C6orf89: variants seen among roughly 807,000 people sequenced by gnomAD.
C6orf89 encodes the protein chromosome 6 open reading frame 89.
C6orf89 carries 29 observed loss-of-function variants against 40.7 expected under a neutral mutation model. That is an observed-to-expected ratio of 0.71 (90% confidence interval 0.53 to 0.97). The LOEUF (loss-of-function observed/expected upper bound fraction) is 0.97, where lower values mean the gene tolerates loss of function less well. Ranked by LOEUF, C6orf89 falls within the 50% of genes least tolerant of loss-of-function variation. The probability of loss-of-function intolerance (pLI) is 0.00; values close to 1 mark genes in which losing one functional copy is unlikely to be tolerated. For missense variants in C6orf89, 392 were observed against 429.1 expected (o/e 0.91, Z 0.76); for synonymous variants, 165 against 152.2 (o/e 1.08, Z -0.62).
chr6:36,879,004 T>A (rs75684991), intron 1 of C6orf89: 8,900 of 152,404 alleles, frequency 0.058, 327 homozygotes, highest in Middle Eastern at 0.14. Context: ...TTTTCTTTTA[T>A]CAGATGGTGT....
chr6:36,917,133 G>A (rs537651678), intron 7 of C6orf89, among the ~76,000 whole-genome samples: 1 of 152,330 alleles, frequency 6.6e-6, no homozygotes, highest in Admixed American at 6.5e-5. Context: ...TAAGGAAACT[G>A]AGTCCCAGAG....
chr6:36,873,458 G>C (rs1774562170), intron 1 of C6orf89, among the ~76,000 whole-genome samples: 1 of 151,884 alleles, frequency 6.6e-6, no homozygotes, highest in Non-Finnish European at 1.5e-5. Flanking sequence ...CCATTTTTTT[G>C]TTAAAAAAAC....
chr6:36,874,758 G>A, intron 1 of C6orf89: 2 of 1,614,140 alleles, frequency 1.2e-6, no homozygotes, highest in African/African-American at 2.7e-5. Flanking sequence ...AGGAATCTGG[G>A]GGAATTGCCG....
upstream of C6orf89, among the ~76,000 whole-genome samples, chr6:36,880,952 A>C (rs143747930): frequency 3.9e-4 from 59 of 152,332 alleles, no homozygotes; most frequent in Middle Eastern, 3.4e-3. Context: ...ATGTTGTACA[A>C]TTTAAGGTGA....
At chr6:36,897,787 G>C (rs1761494933) in intron 2 of C6orf89, among the ~76,000 whole-genome samples, 1 of 152,320 alleles carries the variant, frequency 6.6e-6, no homozygotes, top group South Asian at 2.1e-4. Context: ...GTGTGCTGGC[G>C]TGCGCTGGGT....
At chr6:36,887,110 C>G (rs77420033) in intron 1 of C6orf89, among the ~76,000 whole-genome samples, 1,950 of 151,024 alleles carry the variant, frequency 0.013, 31 homozygotes, top group African/African-American at 0.035. Context: ...GCTACCTCTG[C>G]GTTTTTTTGT....
intron 8 of C6orf89, among the ~76,000 whole-genome samples, chr6:36,922,111 C>T (rs900583778): frequency 2.0e-5 from 3 of 151,996 alleles, no homozygotes; most frequent in African/African-American, 7.3e-5. Flanking sequence ...TCAAGGCGGG[C>T]AGATCACCTG....
chr6:36,880,753 G>C (rs534518404), intron 2 of C6orf89, among the ~76,000 whole-genome samples: 41 of 152,282 alleles, frequency 2.7e-4, no homozygotes, highest in African/African-American at 9.4e-4. Context: ...ATGCCCCCTA[G>C]CTATACAAAG....
chr6:36,914,289 G>A lies in C6orf89; in HGVS notation c.409G>A (p.Asp137Asn). 4 of 1,613,264 alleles carry A rather than the reference G, an allele frequency of 2.5e-6. No homozygotes were observed. Among genetic ancestry groups the A allele is most frequent in the Non-Finnish European group, 3.4e-6 (4 of 1,179,576 alleles). Residue 137 changes from aspartate (D) to asparagine (N), a missense_variant, in exon 5 of 9, where the codon GAC becomes AAC. Coordinates refer to ENST00000480824, the MANE Select transcript of C6orf89 (RefSeq NM_001286635.2). ...GDEDRPFPDF[D>N]PWWTNDCEQN... is the part of the protein sequence containing the mutation. Reference sequence around the variant, plus strand: ...CATATCCCTTCCTCTCTCAGACTTTGACCCCTGGTGGACAAACGACTGTGA... The same window carrying A: ...CATATCCCTTCCTCTCTCAGACTTTAACCCCTGGTGGACAAACGACTGTGA...
In C6orf89 at chr6:36,914,588, AT is replaced by A; in HGVS notation, c.596del (p.Leu199CysfsTer38). Reference sequence around the variant, plus strand: ...CCCCTGTTGGAGGAAGAGATTCAGCATTTTTTGTGCCAGTACCCTGAGGCGA... The same window carrying A: ...CCCCTGTTGGAGGAAGAGATTCAGCATTTTTGTGCCAGTACCCTGAGGCGA... ...GKPLLEEEIQHFLCQYPEATE... is the reference protein window; with the variant it reads ...GKPLLEEEIQXFLCQYPEATE... On this transcript the variant is annotated frameshift_variant, in exon 6 of 9. Transcript: ENST00000480824. LOFTEE classifies it high-confidence loss of function. The A allele has an allele frequency of 6.2e-7, 1 of 1,614,174 alleles. No homozygotes were observed. Among genetic ancestry groups the A allele is most frequent in the Non-Finnish European group, 8.5e-7 (1 of 1,180,014 alleles).
intron 1 of C6orf89, among the ~76,000 whole-genome samples, chr6:36,877,119 G>A (rs889264188): frequency 9.9e-5 from 15 of 152,112 alleles, no homozygotes; most frequent in African/African-American, 3.6e-4. Context: ...GTTGTATGTA[G>A]TGGCCATTTT....
Position 36,923,468 on chromosome 6 carries a change from T to C in C6orf89, c.*27T>C. 1.3e-6 allele frequency: 2 copies of C among 1,563,524 alleles called. No homozygotes were observed. The highest frequency in any genetic ancestry group is 1.8e-6 in the Non-Finnish European group (2 of 1,133,964). Reference sequence around the variant, plus strand: ...AAATAGAACTGTGCACAGGAACAGCTTCCAGAGCCGAAAACCAGGTTGAAA... The same window carrying C: ...AAATAGAACTGTGCACAGGAACAGCCTCCAGAGCCGAAAACCAGGTTGAAA... On this transcript the variant is annotated 3_prime_UTR_variant, in exon 9 of 9. Coordinates refer to ENST00000480824, the MANE Select transcript of C6orf89 (RefSeq NM_001286635.2).
intron 3 of C6orf89, among the ~76,000 whole-genome samples, chr6:36,901,046 T>C (rs924693685): frequency 7.9e-5 from 12 of 151,344 alleles, no homozygotes; most frequent in African/African-American, 2.7e-4. Context: ...GGAGTTTCAC[T>C]ATGTTGGTCA....
chr6:36,923,669 A>G lies in C6orf89; in HGVS notation c.*228A>G. On this transcript the variant is annotated 3_prime_UTR_variant, in exon 9 of 9. Transcript: ENST00000480824. ...AAGGATTCAGCCTGGCCACTTGGCT[A>G]GGACTCTGCCAGCACCCATCTGAGA... 1 of 549,980 alleles carries G rather than the reference A, an allele frequency of 1.8e-6. No individual in the cohort carries two copies. 34.1% of individuals were successfully genotyped at this position (549,980 alleles called of 1,614,324 possible).
chr6:36,873,449 C>T lies in C6orf89; in HGVS notation c.-628+1482C>T, dbSNP rs372574806. On this transcript the variant is annotated intron_variant, in intron 1 of 9. Transcript: ENST00000359359. ...TACATACAGTATGATCATATGATCCCATTTTTTTGTTAAAAAAACATGAGA... is the reference window on the plus strand; with the variant it reads ...TACATACAGTATGATCATATGATCCTATTTTTTTGTTAAAAAAACATGAGA... Among the ~76,000 whole-genome samples, 4 of 152,228 alleles carry T rather than the reference C, an allele frequency of 2.6e-5. No homozygotes were observed. In the East Asian group the frequency reaches 5.8e-4, roughly 22 times the overall value.
rs2280675 is a variant in C6orf89, at chr6:36,923,868, T to C, written c.*427T>C. 0.28 allele frequency: 72,871 copies of C among 263,524 alleles called. 11,825 individuals carry two copies. Among genetic ancestry groups the C allele is most frequent in the African/African-American group, 0.5 (22,601 of 45,246 alleles). 16.3% of individuals were successfully genotyped at this position (263,524 alleles called of 1,614,324 possible). A position where few individuals can be genotyped will look rare whatever the true frequency, so the allele number is the denominator to read the frequency against. On this transcript the variant is annotated 3_prime_UTR_variant, in exon 9 of 9. Transcript: ENST00000480824. The stretch of plus-strand genomic sequence containing the variant: ...TTTACCAGGTGGGCCTGCTTGTCCC[T>C]GTCTTGCCTGCCACATCACTCTACT...
In C6orf89 at chr6:36,915,738, A is replaced by G. The variant is rs117048539; in HGVS notation, c.696-707A>G. 6.8e-4 allele frequency among the ~76,000 whole-genome samples: 104 copies of G among 152,006 alleles called. 3 individuals carry two copies. In the East Asian group the frequency reaches 0.018, roughly 26 times the overall value. ...AAAAAGGTTGGGGGAGGGGGAAAGA[A>G]AGAAAGAAAAATGGGAAACAGAGAG... On this transcript the variant is annotated intron_variant, in intron 6 of 8. Coordinates refer to ENST00000480824, the MANE Select transcript of C6orf89 (RefSeq NM_001286635.2).
chr6:36,919,802 A>G, intron 8 of C6orf89, 101 bp downstream of exon 8: 1 of 1,246,344 alleles, frequency 8.0e-7, no homozygotes, highest in South Asian at 1.8e-5. Flanking sequence ...AGTTTTATTT[A>G]GTAGAATCAA....
rs1287439469 is a variant in C6orf89 at position 36,926,556 on chromosome 6, AAAAAG to A, written c.*3117_*3121del. 2 of 125,842 alleles carry A rather than the reference AAAAAG, an allele frequency of 1.6e-5. No homozygotes were observed. Among genetic ancestry groups the A allele is most frequent in the Admixed American group, 7.5e-5 (1 of 13,354 alleles). The allele number at this position is 125,842 out of a possible 1,614,324, so 7.8% of individuals were successfully genotyped here. On this transcript the variant is annotated 3_prime_UTR_variant, in exon 9 of 9. Transcript: ENST00000480824. ...AAAGGAAAGGAAAGAAAAGAAAAAAAAAAAGAGAGAGAGAAAAGAAGAGGGGAGGG... is the reference window on the plus strand; with the variant it reads ...AAAGGAAAGGAAAGAAAAGAAAAAAAAGAGAGAGAAAAGAAGAGGGGAGGG...
Sources: allele counts gnomAD v4.1 joint callset (sites outside exome capture counted in the v4.1 genomes callset), GRCh38; gene constraint gnomAD v4.1.1; transcripts MANE v1.5; gene names NCBI Gene and HGNC (gene_info 2026-07-23, HGNC 2026-07-21).